The following SMOC2 variants were observed in gnomAD, a reference collection of about 807,000 sequenced individuals.
SMOC2 encodes the protein SPARC-related modular calcium-binding protein 2.
Under a neutral mutation model 61.4 loss-of-function variants are expected in SMOC2, and 39 were observed. That is an observed-to-expected ratio of 0.64 (90% CI 0.49 to 0.83). The LOEUF (loss-of-function observed/expected upper bound fraction) is 0.83. Ranked by LOEUF, SMOC2 falls within the 40% of genes least tolerant of loss-of-function variation. The pLI is 0.00. For synonymous variants in SMOC2, 247 were observed against 239.9 expected (o/e 1.03, Z -0.27); for missense variants, 556 against 592.9 (o/e 0.94, Z 0.65).
chr6:168,508,577 T>G (rs1379240306), intron 1 of SMOC2, among the ~76,000 whole-genome samples: 1 of 152,212 alleles, frequency 6.6e-6, no homozygotes, highest in Non-Finnish European at 1.5e-5. Context: ...GTGGAAAGTT[T>G]CATTAGCTTC....
chr6:168,464,299 G>C (rs1023818136), intron 1 of SMOC2, among the ~76,000 whole-genome samples: 2 of 151,952 alleles, frequency 1.3e-5, no homozygotes, highest in African/African-American at 4.8e-5. Flanking sequence ...AGGAAGGACG[G>C]ACGGAAGGAA....
chr6:168,630,095 G>A (rs1208557179), intron 9 of SMOC2, among the ~76,000 whole-genome samples: 5 of 152,188 alleles, frequency 3.3e-5, no homozygotes, highest in African/African-American at 1.2e-4. Context: ...GCAGCGTCTC[G>A]TTCATCTCCA....
chr6:168,533,215 C>A (rs1783654665), intron 4 of SMOC2, among the ~76,000 whole-genome samples: 1 of 152,136 alleles, frequency 6.6e-6, no homozygotes. Flanking sequence ...ACTGTGGATG[C>A]TCATCCCAGA....
chr6:168,453,827 C>T lies in SMOC2; in HGVS notation c.84+12373C>T, dbSNP rs577552224. 2.9e-4 allele frequency among the ~76,000 whole-genome samples: 44 copies of T among 150,716 alleles called. 1 individual carries two copies. The South Asian group carries it at 8.3e-3, about 28-fold the overall frequency. Reference sequence around the variant, plus strand: ...TCCATCTCTGTCCTCTATCTCTCTCCGTCTCTCTGTTTGTCTCTCATTCTT... The same window carrying T: ...TCCATCTCTGTCCTCTATCTCTCTCTGTCTCTCTGTTTGTCTCTCATTCTT... On this transcript the variant is annotated intron_variant, in intron 1 of 12. Transcript: ENST00000356284. The surrounding 1 kb of genome is among the most constrained non-coding windows in gnomAD (Gnocchi z 4.4).
chr6:168,516,950 T>C (rs976363518), intron 2 of SMOC2, among the ~76,000 whole-genome samples: 3 of 152,114 alleles, frequency 2.0e-5, no homozygotes, highest in Non-Finnish European at 2.9e-5. Flanking sequence ...TGAAACTCCG[T>C]CTGAAGAAAA....
intron 7 of SMOC2, among the ~76,000 whole-genome samples, chr6:168,573,487 C>G (rs972791019): frequency 6.6e-6 from 1 of 152,184 alleles, no homozygotes; most frequent in African/African-American, 2.4e-5. Flanking sequence ...CAGCTCTGCT[C>G]GGGCTCCCAG....
At chr6:168,515,208 A>G (rs916457003) in intron 2 of SMOC2, among the ~76,000 whole-genome samples, 6 of 152,222 alleles carry the variant, frequency 3.9e-5, no homozygotes, top group Non-Finnish European at 5.9e-5. Context: ...GTAGGCAAAA[A>G]TAAAATGGAC....
chr6:168,635,153 A>G (rs899091191), intron 9 of SMOC2, among the ~76,000 whole-genome samples: 3 of 152,132 alleles, frequency 2.0e-5, no homozygotes, highest in African/African-American at 7.2e-5. Flanking sequence ...GAGCTATTTT[A>G]TGGGGTTGGT....
intron 1 of SMOC2, among the ~76,000 whole-genome samples, chr6:168,457,248 T>C (rs1445276619): frequency 6.6e-6 from 1 of 152,114 alleles, no homozygotes; most frequent in Non-Finnish European, 1.5e-5. Context: ...AAGTGCAGCT[T>C]CCAGTGAGTG....
Position 168,544,621 on chromosome 6 carries a change from C to T in SMOC2, c.511+949C>T, listed in dbSNP as rs1193958486. 1.3e-5 allele frequency among the ~76,000 whole-genome samples: 2 copies of T among 152,028 alleles called. No individual in the cohort carries two copies. Among genetic ancestry groups the T allele is most frequent in the Admixed American group, 6.6e-5 (1 of 15,264 alleles). ...CCAGGAGATGGAGGTTGCAGTGAGCCGAGATCACGCCACTGCACTCCAGCC... is the reference window on the plus strand; with the variant it reads ...CCAGGAGATGGAGGTTGCAGTGAGCTGAGATCACGCCACTGCACTCCAGCC... On this transcript the variant is annotated intron_variant, in intron 5 of 12. Coordinates refer to ENST00000356284, the MANE Select transcript of SMOC2 (RefSeq NM_001166412.2). This position sits in a 1 kb window ranked among gnomAD's most constrained non-coding sequence, Gnocchi z 4.1.
intron 11 of SMOC2, among the ~76,000 whole-genome samples, chr6:168,659,570 T>TGAGGGTGGAGGTTTGG (rs1787428463): frequency 1.5e-5 from 1 of 68,580 alleles, no homozygotes; most frequent in Non-Finnish European, 3.1e-5. Context: ...AGGTTGTAGG[T>TGAGGGTGGAGGTTTGG]TGAGTCAGGG....
At chr6:168,476,484 G>GTA (rs1782089410) in intron 1 of SMOC2, among the ~76,000 whole-genome samples, 1 of 91,028 alleles carries the variant, frequency 1.1e-5, no homozygotes. Flanking sequence ...GTGTGTGTAT[G>GTA]TGTGTGTGTG....
Position 168,597,284 on chromosome 6 carries a change from T to C in SMOC2, c.638-1534T>C, listed in dbSNP as rs528219584. On this transcript the variant is annotated intron_variant, in intron 7 of 12. Transcript: ENST00000356284. ...AATCATAAAATTACGAATCTGATTA[T>C]CCTCAGATGTTAAACAGAGTTGCTA... Among the ~76,000 whole-genome samples the C allele has an allele frequency of 9.8e-5, 15 of 152,360 alleles. No individual in the cohort carries two copies. In the South Asian group the frequency reaches 3.1e-3, roughly 32 times the overall value.
chr6:168,615,056 A>AGG (rs1270504536), intron 9 of SMOC2, among the ~76,000 whole-genome samples: 5 of 99,124 alleles, frequency 5.0e-5, no homozygotes, highest in Non-Finnish European at 8.5e-5. Context: ...CAGCCAGCAC[A>AGG]GGGCCTCTTC....
chr6:168,623,329 A>ATTTTTTTTTTTTT (rs11284179), intron 9 of SMOC2, among the ~76,000 whole-genome samples: 1 of 129,108 alleles, frequency 7.7e-6, no homozygotes. Context: ...TGGATAATTA[A>ATTTTTTTTTTTTT]TTTTTTTTTT....
intron 9 of SMOC2, among the ~76,000 whole-genome samples, chr6:168,623,424 C>A (rs1369841687): frequency 6.7e-6 from 1 of 148,956 alleles, no homozygotes; most frequent in Non-Finnish European, 1.5e-5. Flanking sequence ...TTCCCGGGTT[C>A]AAGCAATTCT....
chr6:168,570,596 G>C (rs952155564), intron 7 of SMOC2, among the ~76,000 whole-genome samples: 5 of 152,190 alleles, frequency 3.3e-5, no homozygotes, highest in African/African-American at 4.8e-5. Context: ...CGGAGGCACT[G>C]AAGAAAATTC....
chr6:168,445,537 T>G (rs1781312626), intron 1 of SMOC2, among the ~76,000 whole-genome samples: 1 of 152,264 alleles, frequency 6.6e-6, no homozygotes, highest in African/African-American at 2.4e-5. Context: ...ATTCCATTTC[T>G]GAGCAGTTGT....
intron 1 of SMOC2, among the ~76,000 whole-genome samples, chr6:168,500,173 G>A (rs1409293760): frequency 6.6e-6 from 1 of 151,408 alleles, no homozygotes; most frequent in Non-Finnish European, 1.5e-5. Context: ...TGGTCCCACA[G>A]CAACTCGGGA....
Sources: allele counts gnomAD v4.1 joint callset (sites outside exome capture counted in the v4.1 genomes callset), GRCh38; gene constraint gnomAD v4.1.1; non-coding constraint Gnocchi (gnomAD v3.1); transcripts MANE v1.5; gene names NCBI Gene and HGNC (gene_info 2026-07-23, HGNC 2026-07-21).